The following LACRT variants were observed in gnomAD, a reference collection of about 807,000 sequenced individuals.
LACRT encodes extracellular glycoprotein lacritin.
LACRT carries 14 observed loss-of-function variants against 14.5 expected under a neutral mutation model. The observed-to-expected ratio is 0.96, with a 90% CI of 0.64 to 1.51. LACRT has a LOEUF of 1.51. Ranked by LOEUF, LACRT falls within the 40% of genes most tolerant of loss-of-function variation. LACRT has a pLI of 0.00. For synonymous variants in LACRT, 70 were observed against 63.5 expected (o/e 1.10, Z -0.48); for missense variants, 156 against 161.8 (o/e 0.96, Z 0.19).
At position 54,634,771 on chromosome 12, in the gene LACRT, A is replaced by G; in HGVS notation, c.58+13T>C. The G allele has an allele frequency of 1.2e-6, 2 of 1,612,370 alleles. No homozygotes were observed. Among genetic ancestry groups the G allele is most frequent in the Non-Finnish European group, 1.7e-6 (2 of 1,178,578 alleles). On this transcript the variant is annotated intron_variant, in intron 1 of 4. Transcript: ENST00000257867. ...AGGACTCTTGTGGGGCGCAGAGGAA[A>G]GGCCATACTCACCAGCATAGACCAG...
chr12:54,633,162 AG>A lies in LACRT; in HGVS notation c.112+17del. 1 of 1,613,032 alleles carries A rather than the reference AG, an allele frequency of 6.2e-7. No individual in the cohort carries two copies. The highest frequency in any genetic ancestry group is 8.5e-7 in the Non-Finnish European group (1 of 1,179,044). ...CCTTCCCAACGAGGGCTAGGGCAGCAGGGAGAGGAGGACTCACAGGTCCCAG... is the reference window on the plus strand; with the variant it reads ...CCTTCCCAACGAGGGCTAGGGCAGCAGGAGAGGAGGACTCACAGGTCCCAG... On this transcript the variant is annotated intron_variant, in intron 2 of 4. Coordinates refer to ENST00000257867, the MANE Select transcript of LACRT (RefSeq NM_033277.2).
At chr12:54,633,256 G>C in intron 1 of LACRT, 23 bp from the exon 2 acceptor site, 1 of 1,612,252 alleles carries the variant, frequency 6.2e-7, no homozygotes, top group Non-Finnish European at 8.5e-7. Flanking sequence ...AAACATGCCA[G>C]ATGAGAGCAA....
intron 1 of LACRT, 124 bp from the exon 2 acceptor site, chr12:54,633,357 C>T: frequency 2.3e-6 from 2 of 854,414 alleles, no homozygotes; most frequent in Non-Finnish European, 3.8e-6. Context: ...GGATCAATTT[C>T]CCTTTGGGTT....
intron 4 of LACRT, 161 bp downstream of exon 4, chr12:54,631,577 G>A (rs899682809): frequency 1.2e-4 from 74 of 632,746 alleles, no homozygotes; most frequent in Middle Eastern, 8.2e-4. Context: ...GGAAACATAT[G>A]AAAGCACAAA....
chr12:54,631,148 C>T (rs975072657), intron 4 of LACRT, among the ~76,000 whole-genome samples, 195 bp from the exon 5 acceptor site: 32 of 152,304 alleles, frequency 2.1e-4, no homozygotes, highest in African/African-American at 5.5e-4. Context: ...TTGGCAGGGG[C>T]AGGGGACAAG....
chr12:54,634,760 G>T, intron 1 of LACRT, 24 bp downstream of exon 1: 1 of 1,608,100 alleles, frequency 6.2e-7, no homozygotes, highest in Non-Finnish European at 8.5e-7. Context: ...CTCTTGTGGG[G>T]CGCAGAGGAA....
At chr12:54,634,722 G>T (rs569882159) in intron 1 of LACRT, 62 bp downstream of exon 1, 55 of 1,439,792 alleles carry the variant, frequency 3.8e-5, no homozygotes, top group Non-Finnish European at 5.3e-5. Context: ...GTGAAGGCAG[G>T]AGTGAGGGGC....
At chr12:54,632,144 T>C (rs1958156117) in intron 3 of LACRT, 97 bp downstream of exon 3, 5 of 1,421,252 alleles carry the variant, frequency 3.5e-6, no homozygotes, top group Non-Finnish European at 4.9e-6. Flanking sequence ...GTCTACCTGC[T>C]TCTCACCAGG....
chr12:54,633,148 A>T, intron 2 of LACRT, 32 bp downstream of exon 2: 1 of 1,609,538 alleles, frequency 6.2e-7, no homozygotes, highest in Non-Finnish European at 8.5e-7. Flanking sequence ...CTTCCCAACG[A>T]GGGCTAGGGC....
At chr12:54,631,075 C>T (rs1007952467) in intron 4 of LACRT, 122 bp from the exon 5 acceptor site, 3 of 679,054 alleles carry the variant, frequency 4.4e-6, no homozygotes, top group East Asian at 2.7e-5. Flanking sequence ...GAGGCTTACA[C>T]AGAAGTTGGA....
At position 54,632,003 on chromosome 12, in the gene LACRT, C is replaced by G. The variant is rs549080654; in HGVS notation, c.254-164G>C. 8.3e-5 allele frequency: 53 copies of G among 641,842 alleles called. No individual in the cohort carries two copies. In the African/African-American group the frequency reaches 9.0e-4, roughly 11 times the overall value. 39.8% of individuals were successfully genotyped at this position (641,842 alleles called of 1,614,324 possible). A position where few individuals can be genotyped will look rare whatever the true frequency, so the allele number is the denominator to read the frequency against. ...AGTTTTGCTGAGGGCTCCAGCACTTCTCTCATAGGAAGTTGTGTGAGCCAG... is the reference window on the plus strand; with the variant it reads ...AGTTTTGCTGAGGGCTCCAGCACTTGTCTCATAGGAAGTTGTGTGAGCCAG... On this transcript the variant is annotated intron_variant, in intron 3 of 4. Coordinates refer to ENST00000257867, the MANE Select transcript of LACRT (RefSeq NM_033277.2).
rs1212843873 is a variant in LACRT at position 54,630,859 on chromosome 12, T to G, written c.*33A>C. Reference sequence around the variant, plus strand: ...TCTGGGCTACAAGGGTATTTAAGGCTTTAAGTCCAATGATCCCATTCTTTT... The same window carrying G: ...TCTGGGCTACAAGGGTATTTAAGGCGTTAAGTCCAATGATCCCATTCTTTT... On this transcript the variant is annotated 3_prime_UTR_variant, in exon 5 of 5. Transcript: ENST00000257867. 6.6e-7 allele frequency: 1 copy of G among 1,508,790 alleles called. No individual in the cohort carries two copies. The highest frequency in any genetic ancestry group is 2.3e-5 in the East Asian group (1 of 44,384). 93.5% of individuals were successfully genotyped at this position (1,508,790 alleles called of 1,614,324 possible). A position where few individuals can be genotyped will look rare whatever the true frequency, so the allele number is the denominator to read the frequency against.
At chr12:54,633,953 C>A (rs896491695) in intron 1 of LACRT, among the ~76,000 whole-genome samples, 3 of 151,912 alleles carry the variant, frequency 2.0e-5, no homozygotes, top group Admixed American at 6.6e-5. Flanking sequence ...GGGAAGGGGC[C>A]AGGGAGAGGG....
chr12:54,634,596 A>G (rs1476683890), intron 1 of LACRT, among the ~76,000 whole-genome samples, 188 bp downstream of exon 1: 3 of 152,166 alleles, frequency 2.0e-5, no homozygotes, highest in Non-Finnish European at 2.9e-5. Flanking sequence ...GGCAGAGGCC[A>G]GAGAGTTCTG....
chr12:54,632,465 A>T, intron 2 of LACRT, 84 bp from the exon 3 acceptor site: 1 of 1,499,716 alleles, frequency 6.7e-7, no homozygotes, highest in Non-Finnish European at 9.2e-7. Context: ...CAGGATACCT[A>T]ATGTGTGCTG....
intron 1 of LACRT, 85 bp from the exon 2 acceptor site, chr12:54,633,318 A>G: frequency 1.7e-6 from 2 of 1,187,126 alleles, no homozygotes; most frequent in South Asian, 1.4e-5. Flanking sequence ...CCCAAAGCTT[A>G]TCTCCTGGGA....
Position 54,632,020 on chromosome 12 carries a change from G to A in LACRT, c.254-181C>T, listed in dbSNP as rs114148570. 3.1e-3 allele frequency: 2,085 copies of A among 677,480 alleles called. 30 individuals carry two copies. The African/African-American group carries it at 0.035, about 11-fold the overall frequency. 42.0% of individuals were successfully genotyped at this position (677,480 alleles called of 1,614,324 possible). ...CAGCACTTCTCTCATAGGAAGTTGTGTGAGCCAGGACAGAAACCATGTATT... is the reference window on the plus strand; with the variant it reads ...CAGCACTTCTCTCATAGGAAGTTGTATGAGCCAGGACAGAAACCATGTATT... On this transcript the variant is annotated intron_variant, in intron 3 of 4. Coordinates refer to ENST00000257867, the MANE Select transcript of LACRT (RefSeq NM_033277.2).
rs770642469 is a variant in LACRT at position 54,633,218 on chromosome 12, T to A, written c.74A>T (p.Asp25Val). Residue 25 changes from aspartate to valine, a missense_variant, in exon 2 of 5, where the codon GAC (aspartate) becomes GTC (valine). By Grantham distance (152) the Asp-to-Val change is radical (BLOSUM62 -3). Coordinates refer to ENST00000257867, the MANE Select transcript of LACRT (RefSeq NM_033277.2). Reference sequence around the variant, plus strand: ...CTGGGCAGGATCAGCACCCGTCGAGTCAGAGGAGGCATCTTCTGCAATGGG... The same window carrying A: ...CTGGGCAGGATCAGCACCCGTCGAGACAGAGGAGGCATCTTCTGCAATGGG... The part of the protein sequence containing the change: ...ALVYAEDASS[D>V]STGADPAQEA... 3 of 1,613,472 alleles carry A rather than the reference T, an allele frequency of 1.9e-6. No homozygotes were observed. The African/African-American group carries it at 4.0e-5, about 22-fold the overall frequency.
intron 1 of LACRT, among the ~76,000 whole-genome samples, chr12:54,633,913 C>A (rs941537737): frequency 6.6e-6 from 1 of 152,070 alleles, no homozygotes; most frequent in African/African-American, 2.4e-5. Context: ...GATGAAAAAT[C>A]ATTGGCCAGG....
Sources: allele counts gnomAD v4.1 joint callset (sites outside exome capture counted in the v4.1 genomes callset), GRCh38; gene constraint gnomAD v4.1.1; transcripts MANE v1.5; gene names NCBI Gene and HGNC (gene_info 2026-07-23, HGNC 2026-07-21).